Variants in THOC7 observed in about 807,000 individuals in gnomAD.
THOC7 encodes the protein THO complex subunit 7, also known as NIF3L1-binding protein 1.
THOC7 carries 22 observed loss-of-function variants against 33.1 expected under a neutral mutation model. That is an observed-to-expected ratio of 0.66 (90% confidence interval 0.47 to 0.95). THOC7 has a LOEUF of 0.95. Ranked by LOEUF, THOC7 falls within the 40% of genes least tolerant of loss-of-function variation. The pLI is 0.00. For synonymous variants in THOC7, 77 were observed against 76.8 expected (o/e 1.00, Z -0.01); for missense variants, 184 against 245.3 (o/e 0.75, Z 1.67).
In THOC7 at chr3:63,835,356, G is replaced by A; in HGVS notation, c.445C>T (p.Leu149Phe). 1.2e-6 allele frequency: 2 copies of A among 1,613,520 alleles called. No homozygotes were observed. Among genetic ancestry groups the A allele is most frequent in the Non-Finnish European group, 1.7e-6 (2 of 1,179,746 alleles). ...LEALGKELEH[L>F]SHIKESVEDK... ...TCAACACTTTCTTTAATGTGTGAAAGATGCTCTAATTCTTTTCCCAGAGCC... is the reference window on the plus strand; with the variant it reads ...TCAACACTTTCTTTAATGTGTGAAAAATGCTCTAATTCTTTTCCCAGAGCC... The change falls in exon 6 of 8, where the codon CTT (leucine) becomes TTT (phenylalanine). Residue 149 changes from leucine (L) to phenylalanine (F), a missense_variant. Leu to Phe is a conservative substitution (Grantham distance 22). Transcript: ENST00000295899.
intron 1 of THOC7, among the ~76,000 whole-genome samples, chr3:63,841,009 G>C (rs1701746086): frequency 6.6e-6 from 1 of 152,206 alleles, no homozygotes; most frequent in African/African-American, 2.4e-5. Context: ...GTTTATAGTA[G>C]AAAGATTGCA....
intron 1 of THOC7, among the ~76,000 whole-genome samples, chr3:63,856,643 C>T (rs928159179): frequency 4.6e-5 from 7 of 151,974 alleles, no homozygotes; most frequent in African/African-American, 7.3e-5. Flanking sequence ...CCAGCAGATA[C>T]GTAACACTTA....
At chr3:63,841,972 G>C (rs928110977) in intron 1 of THOC7, among the ~76,000 whole-genome samples, 1 of 152,142 alleles carries the variant, frequency 6.6e-6, no homozygotes, top group African/African-American at 2.4e-5. Flanking sequence ...CTGTATTGAG[G>C]ACTGGGGATT....
At chr3:63,837,899 C>T in intron 4 of THOC7, 77 bp downstream of exon 4, 11 of 1,319,740 alleles carry the variant, frequency 8.3e-6, no homozygotes, top group South Asian at 3.0e-5. Context: ...CAGATTTTAC[C>T]TCACAACATT....
intron 2 of THOC7, 139 bp from the exon 3 acceptor site, chr3:63,838,638 T>C (rs1434552099): frequency 2.4e-6 from 2 of 826,732 alleles, no homozygotes; most frequent in African/African-American, 1.8e-5. Context: ...ATTTAGAATA[T>C]CTGTCCCTTA....
chr3:63,860,583 G>A (rs1158289969), intron 1 of THOC7: 1 of 152,074 alleles, frequency 6.6e-6, no homozygotes, highest in African/African-American at 2.4e-5. Context: ...CTAGATCACA[G>A]AGCAGACGAG....
At chr3:63,852,560 G>A (rs1405311465) in intron 1 of THOC7, among the ~76,000 whole-genome samples, 1 of 152,208 alleles carries the variant, frequency 6.6e-6, no homozygotes, top group Non-Finnish European at 1.5e-5. Context: ...TGAAGCTGGG[G>A]CATGAGTGTG....
At chr3:63,846,332 A>C in intron 1 of THOC7, 1 of 295,962 alleles carries the variant, frequency 3.4e-6, no homozygotes, top group Non-Finnish European at 6.9e-6. Flanking sequence ...CCACAGTTCA[A>C]GATTTTCCTA....
At chr3:63,847,689 A>G (rs1701927895) in intron 1 of THOC7, among the ~76,000 whole-genome samples, 1 of 142,556 alleles carries the variant, frequency 7.0e-6, no homozygotes, top group African/African-American at 2.5e-5. Context: ...GTGAGCCAAG[A>G]TCGTGCAACT....
chr3:63,852,532 G>C (rs1344398707), intron 1 of THOC7, among the ~76,000 whole-genome samples: 1 of 152,190 alleles, frequency 6.6e-6, no homozygotes, highest in Non-Finnish European at 1.5e-5. Context: ...AGCAGAGGCT[G>C]GGTGGGGAAT....
chr3:63,859,022 A>C (rs185007121), intron 1 of THOC7, among the ~76,000 whole-genome samples: 16 of 152,328 alleles, frequency 1.1e-4, no homozygotes, highest in Non-Finnish European at 1.9e-4. Context: ...TCAAATTTGT[A>C]AAAGACATTG....
intron 2 of THOC7, 100 bp from the exon 3 acceptor site, chr3:63,838,599 G>C (rs1701685548): frequency 1.7e-6 from 2 of 1,154,894 alleles, no homozygotes; most frequent in South Asian, 3.2e-5. Context: ...ATTATAGCAA[G>C]TTCTGAGAGA....
intron 3 of THOC7, 47 bp downstream of exon 3, chr3:63,838,325 A>G: frequency 7.7e-7 from 1 of 1,302,972 alleles, no homozygotes; most frequent in South Asian, 1.4e-5. Flanking sequence ...TGTTTCCTTT[A>G]GACCATAAAA....
chr3:63,861,511 C>G (rs2107171655), intron 1 of THOC7: 1 of 152,342 alleles, frequency 6.6e-6, no homozygotes, highest in Non-Finnish European at 1.5e-5. Flanking sequence ...CTCATTGTCT[C>G]TCACCAGGGC....
chr3:63,856,863 G>A (rs902766567), intron 1 of THOC7, among the ~76,000 whole-genome samples: 8 of 152,002 alleles, frequency 5.3e-5, no homozygotes, highest in African/African-American at 1.9e-4. Context: ...GACTACAGGC[G>A]CCCGCTACCA....
At chr3:63,836,405 G>A in intron 4 of THOC7, 47 bp from the exon 5 acceptor site, 1 of 1,574,816 alleles carries the variant, frequency 6.3e-7, no homozygotes, top group Non-Finnish European at 8.7e-7. Flanking sequence ...TTTTGAATGT[G>A]AATTATCAAA....
At chr3:63,859,820 C>T (rs1200475403) in intron 1 of THOC7, among the ~76,000 whole-genome samples, 1 of 152,186 alleles carries the variant, frequency 6.6e-6, no homozygotes, top group Non-Finnish European at 1.5e-5. Flanking sequence ...AAAAGCTCAG[C>T]TGACAAAAAC....
intron 1 of THOC7, among the ~76,000 whole-genome samples, chr3:63,850,564 C>A (rs981199609): frequency 3.5e-5 from 5 of 144,704 alleles, no homozygotes; most frequent in Non-Finnish European, 6.0e-5. Context: ...GCAATCTGTG[C>A]AATTTATCTT....
At chr3:63,840,298 G>T (rs902146858) in intron 1 of THOC7, among the ~76,000 whole-genome samples, 2 of 152,086 alleles carry the variant, frequency 1.3e-5, no homozygotes, top group Non-Finnish European at 2.9e-5. Context: ...AAATGAGATG[G>T]GTGAGGGAAA....
Sources: gnomAD v4.1 joint callset for allele counts (sites outside exome capture counted in the v4.1 genomes callset) on GRCh38, gnomAD v4.1.1 for gene constraint, MANE v1.5 for transcripts, NCBI Gene and HGNC (gene_info 2026-07-23, HGNC 2026-07-21) for gene names.